SI: variants seen among roughly 807,000 people sequenced by gnomAD.
SI encodes the protein sucrase-isomaltase, also known as sucrase-isomaltase, intestinal.
Under a neutral mutation model 253.3 loss-of-function variants are expected in SI, and 235 were observed. The ratio of observed to expected loss-of-function variants is 0.93; its 90% CI spans 0.83 to 1.03. The LOEUF is 1.03. Among genes scored for constraint, SI ranks in the 50% least tolerant of loss-of-function variants. The pLI is 0.00. For synonymous variants in SI, 819 were observed against 712.0 expected (o/e 1.15, Z -2.39); for missense variants, 2,442 against 2,211.1 (o/e 1.10, Z -2.09).
At chr3:164,997,071 G>A (rs1339839475) in intron 38 of SI, among the ~76,000 whole-genome samples, 1 of 151,632 alleles carries the variant, frequency 6.6e-6, no homozygotes, top group East Asian at 1.9e-4. Flanking sequence ...AGAAAGTGGT[G>A]TCCACAGTTT....
rs552492230 is a variant in SI at position 165,001,062 on chromosome 3, A to G, written c.4407-2389T>C. ...TATTAAATTTAAAAATTTAAAACAT[A>G]TTTTTAATCTTCCAATAATTAATAT... On this transcript the variant is annotated intron_variant, in intron 37 of 47. Coordinates refer to ENST00000264382, the MANE Select transcript of SI (RefSeq NM_001041.4). 1.7e-3 allele frequency among the ~76,000 whole-genome samples: 250 copies of G among 151,462 alleles called. 2 individuals are homozygous for G. The highest frequency in any genetic ancestry group is 5.6e-3 in the African/African-American group (231 of 41,520).
At chr3:165,065,557 A>G (rs1714205784) in intron 6 of SI, 125 bp from the exon 7 acceptor site, 2 of 208,950 alleles carry the variant, frequency 9.6e-6, no homozygotes, top group South Asian at 3.4e-4. Context: ...TAAACATGCC[A>G]GTGGTTAGCT....
chr3:164,979,548 T>C (rs889407636), intron 47 of SI, 118 bp from the exon 48 acceptor site: 1 of 581,046 alleles, frequency 1.7e-6, no homozygotes, highest in Non-Finnish European at 3.0e-6. Context: ...TTCTTTTATA[T>C]CTTGAGAAAT....
At position 165,065,437 on chromosome 3, in the gene SI, A is replaced by G. The variant is rs756240793; in HGVS notation, c.636-5T>C. The G allele has an allele frequency of 7.6e-7, 1 of 1,318,346 alleles. No individual in the cohort carries two copies. The highest frequency in any genetic ancestry group is 1.4e-5 in the South Asian group (1 of 71,008). The allele number at this position is 1,318,346 out of a possible 1,614,324, so 81.7% of individuals were successfully genotyped here. Reference sequence around the variant, plus strand: ...GGACCAATGCTGGTGTCAAACCTGCACCATAAAAGAAATAAAGAAATAATC... The same window carrying G: ...GGACCAATGCTGGTGTCAAACCTGCGCCATAAAAGAAATAAAGAAATAATC... On this transcript the variant is annotated splice_polypyrimidine_tract_variant and splice_region_variant and intron_variant, in intron 6 of 47. Transcript: ENST00000264382.
chr3:164,989,634 A>G (rs961703161), intron 44 of SI, among the ~76,000 whole-genome samples: 1 of 152,142 alleles, frequency 6.6e-6, no homozygotes, highest in Non-Finnish European at 1.5e-5. Flanking sequence ...ATCACAAGAC[A>G]GATGAAGAGA....
At chr3:165,042,822 A>G (rs913068701) in intron 17 of SI, among the ~76,000 whole-genome samples, 3 of 152,084 alleles carry the variant, frequency 2.0e-5, no homozygotes, top group Non-Finnish European at 2.9e-5. Flanking sequence ...GTTAGTCTCA[A>G]CTAAAATATT....
chr3:165,067,524 A>C (rs773642705), intron 5 of SI, 33 bp from the exon 6 acceptor site: 9 of 1,526,644 alleles, frequency 5.9e-6, no homozygotes, highest in Middle Eastern at 1.8e-4. Flanking sequence ...GCATTACTGG[A>C]TTCTAAACTA....
chr3:165,084,360 T>C, the SI span, among the ~76,000 whole-genome samples: 1 of 152,042 alleles, frequency 6.6e-6, no homozygotes, highest in Non-Finnish European at 1.5e-5. Context: ...CTAAGATAGA[T>C]GGAGAAGAGC....
chr3:165,044,422 C>T (rs1008308965), intron 16 of SI, among the ~76,000 whole-genome samples: 11 of 151,816 alleles, frequency 7.2e-5, no homozygotes, highest in African/African-American at 2.7e-4. Flanking sequence ...ATTTTCTTGC[C>T]AATTCTTGAT....
intron 9 of SI, among the ~76,000 whole-genome samples, chr3:165,060,229 A>G (rs73877399): frequency 0.012 from 1,837 of 152,128 alleles, 35 homozygotes; most frequent in African/African-American, 0.043. Flanking sequence ...TAACAAGTTC[A>G]TGTCTTGTAC....
At position 165,063,479 on chromosome 3, in the gene SI, C is replaced by G. The variant is rs1714078150; in HGVS notation, c.870G>C (p.Lys290Asn). The G allele has an allele frequency of 6.4e-7, 1 of 1,561,718 alleles. No individual in the cohort carries two copies. Among genetic ancestry groups the G allele is most frequent in the Non-Finnish European group, 8.8e-7 (1 of 1,135,212 alleles). ...FFMCIEDTSGKSFGVFLMNSN... is the reference protein window; with the variant it reads ...FFMCIEDTSGNSFGVFLMNSN... ...TATTCATTAAAAAAACACCGAATGA[C>G]TTTCCAGATGTATCTTCAATACACA... The change falls in exon 8 of 48, where the codon AAG becomes AAC. Residue 290 changes from lysine (K) to asparagine (N), a missense_variant. Physicochemically the swap from Lys to Asn is moderately conservative, Grantham distance 94. Coordinates refer to ENST00000264382, the MANE Select transcript of SI (RefSeq NM_001041.4).
chr3:165,069,809 A>G (rs1714440145), intron 3 of SI, among the ~76,000 whole-genome samples: 1 of 151,810 alleles, frequency 6.6e-6, no homozygotes, highest in Admixed American at 6.6e-5. Context: ...GAAAAATTAT[A>G]AATGTTTATT....
Position 165,017,498 on chromosome 3 carries a change from T to A in SI, c.3759+50A>T, listed in dbSNP as rs749591042. The A allele has an allele frequency of 1.9e-6, 3 of 1,560,476 alleles. No homozygotes were observed. In the East Asian group the frequency reaches 6.8e-5, roughly 35 times the overall value. On this transcript the variant is annotated intron_variant, in intron 31 of 47. Transcript: ENST00000264382. ...GTATACATGTTTAATTATTTCATTC[T>A]ACTTTTACGTATTCCATATTTAACA...
upstream of SI, among the ~76,000 whole-genome samples, chr3:165,080,716 C>A (rs2108127192): frequency 6.6e-6 from 1 of 151,968 alleles, no homozygotes; most frequent in East Asian, 1.9e-4. Context: ...AACACTTGGA[C>A]ACAGGAAGGG....
At chr3:165,070,324 A>T (rs1234910509) in intron 3 of SI, among the ~76,000 whole-genome samples, 2 of 135,392 alleles carry the variant, frequency 1.5e-5, no homozygotes, top group Non-Finnish European at 3.1e-5. Flanking sequence ...TATATTATAT[A>T]TATAAAATCT....
intron 6 of SI, among the ~76,000 whole-genome samples, chr3:165,066,394 T>C (rs977885283): frequency 6.6e-6 from 1 of 151,962 alleles, no homozygotes; most frequent in African/African-American, 2.4e-5. Flanking sequence ...CATTATTTGA[T>C]GATAAAACTA....
chr3:164,989,961 T>A (rs1012707975), intron 44 of SI, among the ~76,000 whole-genome samples: 2 of 152,156 alleles, frequency 1.3e-5, no homozygotes, highest in Non-Finnish European at 2.9e-5. Context: ...GATGTTTAGG[T>A]CAGTAAAACA....
chr3:164,992,645 G>C (rs1482862614), intron 41 of SI, among the ~76,000 whole-genome samples: 2 of 151,902 alleles, frequency 1.3e-5, no homozygotes, highest in African/African-American at 4.8e-5. Flanking sequence ...TGATGGACAT[G>C]TAACATCAAC....
At chr3:165,074,744 T>C (rs1576927801) in intron 2 of SI, 77 bp from the exon 3 acceptor site, 3 of 1,225,980 alleles carry the variant, frequency 2.4e-6, no homozygotes, top group Non-Finnish European at 3.6e-6. Context: ...TAATAAGTAC[T>C]TTTTGAAAGA....
Sources: allele counts gnomAD v4.1 joint callset (sites outside exome capture counted in the v4.1 genomes callset), GRCh38; gene constraint gnomAD v4.1.1; transcripts MANE v1.5; gene names NCBI Gene and HGNC (gene_info 2026-07-23, HGNC 2026-07-21).